SCFD1: variants seen among roughly 807,000 people sequenced by gnomAD.
SCFD1 encodes the protein sec1 family domain containing 1.
SCFD1 carries 37 observed loss-of-function variants against 103.2 expected under a neutral mutation model. The ratio of observed to expected loss-of-function variants is 0.36; its 90% confidence interval spans 0.28 to 0.47. The LOEUF is 0.47. Ranked by LOEUF, SCFD1 falls within the 20% of genes least tolerant of loss-of-function variation. The pLI, the probability that SCFD1 is intolerant of heterozygous loss-of-function variation, is 1.00. For missense variants in SCFD1, 639 were observed against 761.2 expected, an observed-to-expected ratio of 0.84 and a Z score of 1.89; for synonymous variants, 264 against 245.0, an observed-to-expected ratio of 1.08 and a Z score of -0.73.
intron 23 of SCFD1, among the ~76,000 whole-genome samples, chr14:30,730,801 G>T (rs1438824496): frequency 2.0e-5 from 3 of 152,140 alleles, no homozygotes; most frequent in Non-Finnish European, 4.4e-5. Flanking sequence ...TCTTTAGGTT[G>T]CCTGTTCACT....
intron 9 of SCFD1, among the ~76,000 whole-genome samples, chr14:30,651,081 T>G (rs750371384): frequency 4.2e-4 from 64 of 152,118 alleles, no homozygotes; most frequent in Non-Finnish European, 8.1e-4. Flanking sequence ...CTAGCATAAG[T>G]AAGGCCAATG....
At chr14:30,632,046 GAAAAAAAAAAAAAA>G (rs61645782) in intron 3 of SCFD1, among the ~76,000 whole-genome samples, 46 of 70,270 alleles carry the variant, frequency 6.5e-4, no homozygotes, top group Middle Eastern at 9.4e-3. Flanking sequence ...AGATTCTGTT[GAAAAAAAAAAAAAA>G]AAAAAAAAAA....
At chr14:30,628,104 C>A in intron 1 of SCFD1, 105 bp from the exon 2 acceptor site, 2 of 707,372 alleles carry the variant, frequency 2.8e-6, no homozygotes, top group South Asian at 1.8e-5. Flanking sequence ...ATCAGTTTTA[C>A]TAGAGTTGAT....
intron 14 of SCFD1, among the ~76,000 whole-genome samples, chr14:30,694,306 T>C (rs567688924): frequency 2.6e-5 from 4 of 152,216 alleles, no homozygotes; most frequent in Non-Finnish European, 4.4e-5. Flanking sequence ...CCATCAAATA[T>C]GGTAAACAAA....
intron 1 of SCFD1, among the ~76,000 whole-genome samples, chr14:30,623,883 A>T (rs534771951): frequency 1.3e-5 from 2 of 152,234 alleles, no homozygotes; most frequent in East Asian, 3.9e-4. Flanking sequence ...TATTTCCCTC[A>T]TGCCTATGGA....
chr14:30,625,310 G>A (rs551726372), intron 1 of SCFD1, among the ~76,000 whole-genome samples: 1 of 152,180 alleles, frequency 6.6e-6, no homozygotes, highest in East Asian at 1.9e-4. Context: ...AAATGCTTGC[G>A]ACCAGGAGTG....
At chr14:30,707,554 A>G (rs1246318430) in intron 18 of SCFD1, among the ~76,000 whole-genome samples, 1 of 152,208 alleles carries the variant, frequency 6.6e-6, no homozygotes, top group African/African-American at 2.4e-5. Context: ...ATACTTGCAT[A>G]TATATTTTCA....
chr14:30,641,645 T>C (rs1269858006), intron 6 of SCFD1, among the ~76,000 whole-genome samples: 2 of 152,222 alleles, frequency 1.3e-5, no homozygotes, highest in Admixed American at 1.3e-4. Flanking sequence ...CTTTATGATA[T>C]TGATTTCTTC....
intron 19 of SCFD1, among the ~76,000 whole-genome samples, chr14:30,713,231 G>T (rs1480078786): frequency 6.6e-6 from 1 of 152,124 alleles, no homozygotes; most frequent in Non-Finnish European, 1.5e-5. Context: ...ACGTTTTAAA[G>T]ACATTATGTA....
intron 20 of SCFD1, among the ~76,000 whole-genome samples, chr14:30,718,761 G>A (rs185217201): frequency 1.1e-3 from 169 of 152,278 alleles, no homozygotes; most frequent in African/African-American, 3.9e-3. Flanking sequence ...ATCTTGCCTT[G>A]TAAGTCTGGC....
At chr14:30,634,666 G>A (rs1394480554) in intron 4 of SCFD1, 2 of 370,674 alleles carry the variant, frequency 5.4e-6, no homozygotes, top group Non-Finnish European at 1.0e-5. Context: ...TAAAATAAGG[G>A]TGAGATTAGG....
intron 20 of SCFD1, among the ~76,000 whole-genome samples, chr14:30,718,560 GAAGAGATTAGCAAAATGCTA>G (rs1226273349): frequency 2.0e-5 from 3 of 152,236 alleles, no homozygotes; most frequent in African/African-American, 7.2e-5. Context: ...TGGAGGCAAT[GAAGAGATTAGCAAAATGCTA>G]AAGAGATTAG....
At chr14:30,688,660 T>G (rs377184250) in intron 14 of SCFD1, among the ~76,000 whole-genome samples, 8 of 104,498 alleles carry the variant, frequency 7.7e-5, no homozygotes, top group South Asian at 3.2e-4. Flanking sequence ...GTTTTCCATT[T>G]GCTTGGTAGA....
In SCFD1 at chr14:30,638,154, T is replaced by G; in HGVS notation, c.342T>G (p.Tyr114Ter). ...QDLRNQLYES[Y>*]YLNFISAISR... ...TTCGAAATCAACTATATGAATCATATTATTTAAATTTTATTTCTGCTATTT... is the reference window on the plus strand; with the variant it reads ...TTCGAAATCAACTATATGAATCATAGTATTTAAATTTTATTTCTGCTATTT... The change falls in exon 5 of 25, where the codon TAT (tyrosine) becomes TAG (stop). Residue 114 changes from tyrosine (Y) to a stop codon, truncating the protein, a stop_gained. Coordinates refer to ENST00000458591, the MANE Select transcript of SCFD1 (RefSeq NM_016106.4). LOFTEE classifies it high-confidence loss of function. The G allele has an allele frequency of 6.2e-7, 1 of 1,611,026 alleles. No individual in the cohort carries two copies. Among genetic ancestry groups the G allele is most frequent in the South Asian group, 1.1e-5 (1 of 90,678 alleles).
At chr14:30,631,630 T>C (rs913422676) in intron 3 of SCFD1, among the ~76,000 whole-genome samples, 1 of 152,210 alleles carries the variant, frequency 6.6e-6, no homozygotes, top group Non-Finnish European at 1.5e-5. Flanking sequence ...GTAATGACTG[T>C]TAATCACCAT....
At chr14:30,728,904 G>A (rs1370760108) in intron 23 of SCFD1, among the ~76,000 whole-genome samples, 2 of 148,642 alleles carry the variant, frequency 1.3e-5, no homozygotes, top group Non-Finnish European at 3.0e-5. Context: ...GAGTGCAGTG[G>A]CGCAATTTTG....
Position 30,700,220 on chromosome 14 carries a change from C to T in SCFD1, c.1372C>T (p.Leu458Phe), listed in dbSNP as rs1890986068. 8 of 1,611,668 alleles carry T rather than the reference C, an allele frequency of 5.0e-6. No individual in the cohort carries two copies. The highest frequency in any genetic ancestry group is 6.8e-6 in the Non-Finnish European group (8 of 1,177,924). ...GTPEDKMRLFLIYYISTQQAP... is the reference protein window; with the variant it reads ...GTPEDKMRLFFIYYISTQQAP... The stretch of plus-strand genomic sequence containing the variant: ...TCCAGAAGATAAAATGAGGTTGTTT[C>T]TTATCTATTATATAAGCACACAGCA... The change falls in exon 16 of 25, where the codon CTT becomes TTT. Residue 458 changes from leucine to phenylalanine, a missense_variant. Physicochemically the swap from Leu to Phe is conservative, Grantham distance 22. Coordinates refer to ENST00000458591, the MANE Select transcript of SCFD1 (RefSeq NM_016106.4).
intron 10 of SCFD1, among the ~76,000 whole-genome samples, chr14:30,666,252 T>C (rs765567887): frequency 3.9e-5 from 6 of 152,138 alleles, no homozygotes; most frequent in Admixed American, 6.5e-5. Flanking sequence ...TTAAGAAACT[T>C]ACTCAAAACC....
chr14:30,629,577 A>ATTTTTT, intron 2 of SCFD1, among the ~76,000 whole-genome samples: 1 of 135,566 alleles, frequency 7.4e-6, no homozygotes, highest in Admixed American at 7.4e-5. Flanking sequence ...TAGGGACTTA[A>ATTTTTT]TTTTTTTTTT....
Sources: gnomAD v4.1 joint callset for allele counts (sites outside exome capture counted in the v4.1 genomes callset) on GRCh38, gnomAD v4.1.1 for gene constraint, MANE v1.5 for transcripts, NCBI Gene and HGNC (gene_info 2026-07-23, HGNC 2026-07-21) for gene names.